Variants in PIR observed in about 807,000 individuals in gnomAD.
The protein encoded by PIR is pirin.
A neutral mutation model predicts 24.2 loss-of-function variants in PIR; 22 were observed. That is an observed-to-expected ratio of 0.91 (90% CI 0.65 to 1.30). PIR has a LOEUF of 1.30. Among genes scored for constraint, PIR ranks in the 50% most tolerant of loss-of-function variants. The pLI, the probability that PIR is intolerant of heterozygous loss-of-function variation, is 0.00. For missense variants in PIR, 220 were observed against 220.3 expected, an observed-to-expected ratio of 1.00 and a Z score of 0.01; for synonymous variants, 80 against 79.6, an observed-to-expected ratio of 1.00 and a Z score of -0.03.
intron 3 of PIR, among the ~76,000 whole-genome samples, chrX:15,466,058 A>AAAAAC (rs1228084170): frequency 1.0e-5 from 1 of 97,921 alleles, no homozygotes; most frequent in Non-Finnish European, 2.0e-5. Context: ...GGAAAAAGAG[A>AAAAAC]AAAACAAAAC....
Position 15,483,174 on chromosome X carries a change from T to TATATATATATATATATATAG in PIR, c.97-3354_97-3353insCTATATATATATATATATAT, listed in dbSNP as rs955424390. On this transcript the variant is annotated intron_variant, in intron 2 of 9. Transcript: ENST00000380420. ...AACATATACATTATACATATATATA[T>TATATATATATATATATATAG]AAATTCAACAAGCTACTGCAAGTTT... Among the ~76,000 whole-genome samples the TATATATATATATATATATAG allele has an allele frequency of 6.2e-3, 609 of 98,705 alleles. 8 individuals carry two copies. Among genetic ancestry groups the TATATATATATATATATATAG allele is most frequent in the African/African-American group, 0.017 (465 of 26,621 alleles). 85.7% of individuals were successfully genotyped at this position (98,705 alleles called of 115,157 possible).
At chrX:15,444,326 A>G (rs1926016582) in intron 5 of PIR, among the ~76,000 whole-genome samples, 1 of 112,589 alleles carries the variant, frequency 8.9e-6, no homozygotes, top group Admixed American at 9.3e-5. Flanking sequence ...GCATTTTTCA[A>G]CAAAAGTATT....
intron 5 of PIR, 125 bp from the exon 6 acceptor site, chrX:15,426,115 T>C (rs1397014076): frequency 2.2e-6 from 1 of 447,038 alleles, no homozygotes; most frequent in East Asian, 3.7e-5. Flanking sequence ...CCTAGGGAAG[T>C]GTTAAAGCCG....
intron 3 of PIR, among the ~76,000 whole-genome samples, chrX:15,475,602 G>T (rs1922149542): frequency 1.8e-5 from 2 of 111,845 alleles, no homozygotes; most frequent in African/African-American, 6.5e-5. Context: ...TCCTAAGGTA[G>T]GTGAGAGGTT....
chrX:15,491,368 C>T, intron 1 of PIR, 59 bp from the exon 2 acceptor site: 1 of 483,119 alleles, frequency 2.1e-6, no homozygotes, highest in Non-Finnish European at 3.5e-6. Flanking sequence ...CCAAGGACTA[C>T]AAAATAAATG....
intron 6 of PIR, among the ~76,000 whole-genome samples, chrX:15,423,096 C>A (rs958095836): frequency 8.1e-5 from 9 of 111,411 alleles, no homozygotes; most frequent in Non-Finnish European, 1.7e-4. Context: ...GAAATTAGAC[C>A]CCTATCTCTT....
intron 6 of PIR, among the ~76,000 whole-genome samples, chrX:15,413,411 C>T (rs891162138): frequency 9.0e-6 from 1 of 111,388 alleles, no homozygotes; most frequent in Admixed American, 9.6e-5. Context: ...CCCAAAACGT[C>T]CTCATCAAGA....
intron 5 of PIR, among the ~76,000 whole-genome samples, chrX:15,428,269 C>T (rs1288130840): frequency 8.9e-6 from 1 of 111,933 alleles, no homozygotes; most frequent in Non-Finnish European, 1.9e-5. Flanking sequence ...GGCACAGGAT[C>T]TGATTCTCTA....
At chrX:15,426,470 C>T (rs112564359) in intron 5 of PIR, among the ~76,000 whole-genome samples, 1,603 of 111,863 alleles carry the variant, frequency 0.014, 28 homozygotes, top group African/African-American at 0.047. Context: ...CGACACTGCT[C>T]GCTTGAAAAA....
In PIR at chrX:15,407,543, T is replaced by C; in HGVS notation, c.573A>G (p.Thr191=). ...KHSQPIPKGW[T]SFIYTISGDV... ...CTCCAGATATCGTGTAAATGAAGCT[T>C]GTCCACCCTGGAAAGGACCAGCAAC... The change falls in exon 7 of 10, where the codon ACA becomes ACG. Residue 191 remains threonine (T), a synonymous_variant. Coordinates refer to ENST00000380420, the MANE Select transcript of PIR (RefSeq NM_001018109.3). 4.2e-6 allele frequency: 5 copies of C among 1,199,890 alleles called. No homozygotes were observed. The highest frequency in any genetic ancestry group is 4.5e-6 in the Non-Finnish European group (4 of 884,476).
intron 6 of PIR, 85 bp from the exon 7 acceptor site, chrX:15,407,635 A>G: frequency 2.9e-6 from 2 of 697,054 alleles, no homozygotes; most frequent in South Asian, 4.7e-5. Context: ...ACACAAAGAT[A>G]AATTTGGAGA....
intron 7 of PIR, among the ~76,000 whole-genome samples, chrX:15,407,130 C>T (rs1199092155): frequency 8.9e-6 from 1 of 112,391 alleles, no homozygotes; most frequent in East Asian, 2.8e-4. Flanking sequence ...GCAAATTCAC[C>T]TCCTTCCATT....
intron 7 of PIR, among the ~76,000 whole-genome samples, chrX:15,402,028 G>A (rs900836815): frequency 8.9e-6 from 1 of 112,239 alleles, no homozygotes; most frequent in African/African-American, 3.2e-5. Flanking sequence ...AAGCATAAAT[G>A]TGCATTTGTT....
intron 5 of PIR, among the ~76,000 whole-genome samples, chrX:15,438,795 C>T (rs991090068): frequency 1.8e-5 from 2 of 111,176 alleles, no homozygotes; most frequent in Admixed American, 9.6e-5. Flanking sequence ...CTGGGCTTGA[C>T]CTAAGTGACC....
intron 2 of PIR, among the ~76,000 whole-genome samples, chrX:15,484,035 C>T (rs1419645263): frequency 8.9e-6 from 1 of 111,944 alleles, no homozygotes; most frequent in East Asian, 2.8e-4. Context: ...CTGTGAAAAC[C>T]AAGAGGTTCT....
chrX:15,447,550 C>T (rs893941109), intron 5 of PIR, among the ~76,000 whole-genome samples: 1 of 111,977 alleles, frequency 8.9e-6, no homozygotes, highest in Non-Finnish European at 1.9e-5. Flanking sequence ...GATCTCCTGA[C>T]CTCGTGATCC....
chrX:15,479,010 T>G (rs1349745395), intron 3 of PIR, among the ~76,000 whole-genome samples: 1 of 112,380 alleles, frequency 8.9e-6, no homozygotes, highest in East Asian at 2.8e-4. Flanking sequence ...TCCCTGAGCT[T>G]CCACAGAATA....
chrX:15,454,787 G>A (rs7066452), intron 5 of PIR, among the ~76,000 whole-genome samples: 38,830 of 110,906 alleles, frequency 0.35, 5,079 homozygotes, highest in East Asian at 0.47. Context: ...CCGATGTCAA[G>A]GCTTCTCCCA....
At chrX:15,402,665 C>T in intron 7 of PIR, among the ~76,000 whole-genome samples, 1 of 110,094 alleles carries the variant, frequency 9.1e-6, no homozygotes, top group East Asian at 2.8e-4. Context: ...CTCCCCCTGC[C>T]CAGCCCCCAA....
Sources: gnomAD v4.1 joint callset for allele counts (sites outside exome capture counted in the v4.1 genomes callset) on GRCh38, gnomAD v4.1.1 for gene constraint, MANE v1.5 for transcripts, NCBI Gene and HGNC (gene_info 2026-07-23, HGNC 2026-07-21) for gene names.